Variants in PCDH7 observed in about 807,000 individuals in gnomAD.
PCDH7 encodes protocadherin 7.
In PCDH7, 17 loss-of-function variants were observed where a neutral mutation model predicts 58.9. The ratio of observed to expected loss-of-function variants is 0.29; its 90% CI spans 0.20 to 0.43. The LOEUF is 0.43. Ranked by LOEUF, PCDH7 falls within the 20% of genes least tolerant of loss-of-function variation. PCDH7 has a pLI of 1.00. For missense variants in PCDH7, 1,274 were observed against 1,441.0 expected (o/e 0.88, Z 1.88); for synonymous variants, 664 against 616.4 (o/e 1.08, Z -1.14).
rs1754380989 is a variant in PCDH7, at chr4:31,025,860, A to T, written c.*7+75645A>T. Among the ~76,000 whole-genome samples the T allele has an allele frequency of 2.0e-5, 3 of 152,162 alleles. No homozygotes were observed. In the South Asian group the frequency reaches 6.2e-4, roughly 32 times the overall value. ...CACTGAAAGTATGAATATAACAAAA[A>T]CCCTTTCTCTATTAAAATCTTTGTG... On this transcript the variant is annotated intron_variant, in intron 3 of 3. Transcript: ENST00000509759.
At chr4:31,079,193 A>T (rs1211221576) in intron 3 of PCDH7, among the ~76,000 whole-genome samples, 1 of 150,662 alleles carries the variant, frequency 6.6e-6, no homozygotes. Context: ...TACAAAGAAT[A>T]TATATTTATT....
intron 2 of PCDH7, chr4:30,950,022 T>G (rs1747190955): frequency 6.6e-6 from 1 of 152,562 alleles, no homozygotes; most frequent in African/African-American, 2.4e-5. Context: ...AACTCAGGGT[T>G]TTTGGAAATT....
chr4:30,832,431 A>G (rs1729921648), intron 1 of PCDH7, among the ~76,000 whole-genome samples: 1 of 152,114 alleles, frequency 6.6e-6, no homozygotes, highest in African/African-American at 2.4e-5. Context: ...GAATAATGTG[A>G]TATTATATTA....
intron 3 of PCDH7, among the ~76,000 whole-genome samples, chr4:31,106,342 A>G (rs993656628): frequency 1.3e-5 from 2 of 152,216 alleles, no homozygotes; most frequent in Non-Finnish European, 2.9e-5. Flanking sequence ...CTGACAATAC[A>G]AAATTTTTAG....
chr4:30,815,161 G>A (rs1727509001), intron 1 of PCDH7, among the ~76,000 whole-genome samples: 1 of 151,276 alleles, frequency 6.6e-6, no homozygotes, highest in Admixed American at 6.6e-5. Flanking sequence ...AATGAAAAAA[G>A]AAGGATCTTT....
At chr4:31,068,699 A>C (rs187143714) in intron 3 of PCDH7, among the ~76,000 whole-genome samples, 156 of 152,046 alleles carry the variant, frequency 1.0e-3, no homozygotes, top group Non-Finnish European at 1.8e-3. Flanking sequence ...CGTCTCCCTA[A>C]CCTGTCTGCT....
At chr4:30,889,137 C>CAAAAAAAAAAAAAAAAAA (rs371917620) in intron 1 of PCDH7, among the ~76,000 whole-genome samples, 11 of 49,978 alleles carry the variant, frequency 2.2e-4, no homozygotes, top group East Asian at 7.1e-4. Flanking sequence ...GCAGATATCT[C>CAAAAAAAAAAAAAAAAAA]AAAAAAAAAA....
chr4:30,791,661 T>A (rs1461039159), intron 1 of PCDH7, among the ~76,000 whole-genome samples: 1 of 152,174 alleles, frequency 6.6e-6, no homozygotes, highest in African/African-American at 2.4e-5. Context: ...AGATACAAGT[T>A]CTCCAGTTTC....
chr4:30,853,472 A>C (rs778345402), intron 1 of PCDH7, among the ~76,000 whole-genome samples: 8 of 152,142 alleles, frequency 5.3e-5, no homozygotes, highest in South Asian at 2.1e-4. Flanking sequence ...ATTTGGGAAC[A>C]CAGGGTTATA....
intron 1 of PCDH7, among the ~76,000 whole-genome samples, chr4:30,824,144 TTTCTTTCTTTC>T (rs1180373779): frequency 6.8e-6 from 1 of 147,754 alleles, no homozygotes; most frequent in Non-Finnish European, 1.5e-5. Context: ...TCTTTCTTTC[TTTCTTTCTTTC>T]TTTCTTTTTG....
At chr4:31,038,916 A>G (rs941586315) in intron 3 of PCDH7, among the ~76,000 whole-genome samples, 18 of 152,188 alleles carry the variant, frequency 1.2e-4, no homozygotes, top group African/African-American at 4.1e-4. Context: ...AGTTACTTTA[A>G]GTCGAAGACT....
intron 3 of PCDH7, among the ~76,000 whole-genome samples, chr4:31,115,013 G>C (rs865832953): frequency 6.6e-6 from 1 of 152,080 alleles, no homozygotes; most frequent in Non-Finnish European, 1.5e-5. Context: ...AGAACAGTGC[G>C]GGTTTTCATT....
At chr4:31,008,806 AG>A (rs774838916) in intron 3 of PCDH7, among the ~76,000 whole-genome samples, 1 of 152,114 alleles carries the variant, frequency 6.6e-6, no homozygotes, top group African/African-American at 2.4e-5. Context: ...CCCTTCAAAA[AG>A]TAATTTAAAG....
exon 2 of PCDH7, chr4:30,730,941 C>T (rs1715404108): frequency 7.6e-7 from 1 of 1,319,384 alleles, no homozygotes; most frequent in South Asian, 2.6e-5. Context: ...TTTTCTTTCT[C>T]ATATACAGAA....
intron 3 of PCDH7, among the ~76,000 whole-genome samples, chr4:31,006,411 G>A (rs547886481): frequency 2.0e-5 from 3 of 152,160 alleles, no homozygotes; most frequent in Non-Finnish European, 4.4e-5. Context: ...ATAGTTAAAG[G>A]ATGCTATTTC....
chr4:30,899,716 A>C (rs1448039550), intron 1 of PCDH7, among the ~76,000 whole-genome samples: 1 of 151,506 alleles, frequency 6.6e-6, no homozygotes, highest in African/African-American at 2.4e-5. Flanking sequence ...TATGACACTA[A>C]TATTTTTTTT....
At chr4:31,071,649 A>G (rs948962453) in intron 3 of PCDH7, among the ~76,000 whole-genome samples, 3 of 151,976 alleles carry the variant, frequency 2.0e-5, no homozygotes, top group Non-Finnish European at 4.4e-5. Context: ...AGCTCAATTC[A>G]TTGCATTTAT....
intron 3 of PCDH7, among the ~76,000 whole-genome samples, chr4:31,085,282 C>T (rs1184272262): frequency 6.6e-6 from 1 of 151,952 alleles, no homozygotes; most frequent in Non-Finnish European, 1.5e-5. Context: ...GCTGGTCCAT[C>T]AAGTTGCAGG....
chr4:30,996,438 T>G (rs948914887), intron 3 of PCDH7, among the ~76,000 whole-genome samples: 4 of 152,158 alleles, frequency 2.6e-5, no homozygotes, highest in African/African-American at 9.7e-5. Context: ...ATAGAATCAG[T>G]AGGTCTTTCA....
Sources: gnomAD v4.1 joint callset for allele counts (sites outside exome capture counted in the v4.1 genomes callset) on GRCh38, gnomAD v4.1.1 for gene constraint, MANE v1.5 for transcripts, NCBI Gene and HGNC (gene_info 2026-07-23, HGNC 2026-07-21) for gene names.